DDO: variants seen among roughly 807,000 people sequenced by gnomAD.
The protein encoded by DDO is D-aspartate oxidase, DDO.
A neutral mutation model predicts 16.8 loss-of-function variants in DDO; 16 were observed. The ratio of observed to expected loss-of-function variants is 0.95; its 90% CI spans 0.65 to 1.45. The LOEUF is 1.45. Ranked by LOEUF, DDO falls within the 40% of genes most tolerant of loss-of-function variation. DDO has a pLI of 0.00. For synonymous variants in DDO, 180 were observed against 167.2 expected, an observed-to-expected ratio of 1.08 and a Z score of -0.59; for missense variants, 429 against 420.3, an observed-to-expected ratio of 1.02 and a Z score of -0.18.
At chr6:110,405,526 G>T (rs757193712) in intron 3 of DDO, among the ~76,000 whole-genome samples, 2 of 152,168 alleles carry the variant, frequency 1.3e-5, no homozygotes, top group Non-Finnish European at 2.9e-5. Flanking sequence ...CTCCTGCCTA[G>T]ATTTGGTTGT....
At position 110,404,913 on chromosome 6, in the gene DDO, G is replaced by A. The variant is rs1773599064; in HGVS notation, c.319C>T (p.Pro107Ser). 6 of 1,614,160 alleles carry A rather than the reference G, an allele frequency of 3.7e-6. No homozygotes were observed. The highest frequency in any genetic ancestry group is 5.1e-6 in the Non-Finnish European group (6 of 1,180,020). The change falls in exon 4 of 5, where the codon CCA becomes TCA. Residue 107 changes from proline (P) to serine (S), a missense_variant. Physicochemically the swap from Pro to Ser is moderately conservative, Grantham distance 74 (BLOSUM62 -1). Coordinates refer to ENST00000368924, the MANE Select transcript of DDO (RefSeq NM_001372108.2). ...CCCAGAACCACGTCAGCCCAGAATG[G>A]CACTTCTTCAGTCGGAGTGCTCTGA... The part of the protein sequence containing the change: ...IFQSTPTEEV[P>S]FWADVVLGFR...
Position 110,392,958 on chromosome 6 carries a change from C to G in DDO, c.843G>C (p.Arg281Ser). ...IREKVGLRPYRPGVRLQTELL... is the reference protein window; with the variant it reads ...IREKVGLRPYSPGVRLQTELL... ...GCTCTGTCTGCAGTCGCACGCCTGGCCTGTAGGGCCTCAAGCCCACCTTCT... is the reference window on the plus strand; with the variant it reads ...GCTCTGTCTGCAGTCGCACGCCTGGGCTGTAGGGCCTCAAGCCCACCTTCT... Residue 281 changes from arginine (R) to serine (S), a missense_variant, in exon 5 of 5, where the codon AGG becomes AGC. Coordinates refer to ENST00000368924, the MANE Select transcript of DDO (RefSeq NM_001372108.2). The G allele has an allele frequency of 6.2e-7, 1 of 1,613,924 alleles. No homozygotes were observed. Among genetic ancestry groups the G allele is most frequent in the Non-Finnish European group, 8.5e-7 (1 of 1,179,820 alleles).
At position 110,392,338 on chromosome 6, in the gene DDO, T is replaced by C. The variant is rs958905771; in HGVS notation, c.*437A>G. ...AAGCCAAATGATATCAAAATCTCTA[T>C]AGCTTCCAACATTCATATAAATCTG... On this transcript the variant is annotated 3_prime_UTR_variant, in exon 5 of 5. Coordinates refer to ENST00000368924, the MANE Select transcript of DDO (RefSeq NM_001372108.2). 56 of 986,664 alleles carry C rather than the reference T, an allele frequency of 5.7e-5. No individual in the cohort carries two copies. The highest frequency in any genetic ancestry group is 6.6e-5 in the Non-Finnish European group (55 of 830,914). The allele number at this position is 986,664 out of a possible 1,614,324, so 61.1% of individuals were successfully genotyped here.
chr6:110,406,841 A>G (rs1026699990), intron 3 of DDO, among the ~76,000 whole-genome samples: 1 of 152,068 alleles, frequency 6.6e-6, no homozygotes, highest in Non-Finnish European at 1.5e-5. Flanking sequence ...CACTTCCCAG[A>G]GCAAGTTTCT....
At chr6:110,414,867 T>G (rs1167362620) in intron 1 of DDO, among the ~76,000 whole-genome samples, 2 of 152,244 alleles carry the variant, frequency 1.3e-5, no homozygotes, top group Non-Finnish European at 2.9e-5. Context: ...GAGGTTCACC[T>G]TTCCTCTGGA....
downstream of DDO, among the ~76,000 whole-genome samples, chr6:110,390,619 C>T (rs1389155550): frequency 6.6e-6 from 1 of 152,032 alleles, no homozygotes; most frequent in Non-Finnish European, 1.5e-5. Context: ...GAAGGTGAGC[C>T]CACAACACAC....
intron 4 of DDO, among the ~76,000 whole-genome samples, chr6:110,396,811 C>T (rs1773306237): frequency 6.6e-6 from 1 of 152,030 alleles, no homozygotes; most frequent in Admixed American, 6.6e-5. Context: ...GTAAGAATAA[C>T]CAATTTAGAA....
intron 2 of DDO, among the ~76,000 whole-genome samples, chr6:110,412,860 G>T (rs1773905092): frequency 6.6e-6 from 1 of 152,176 alleles, no homozygotes; most frequent in Admixed American, 6.5e-5. Context: ...TGTTAAAACC[G>T]CACATTATGG....
chr6:110,396,480 A>G (rs1356314543), intron 4 of DDO, among the ~76,000 whole-genome samples: 4 of 152,240 alleles, frequency 2.6e-5, no homozygotes, highest in African/African-American at 9.6e-5. Flanking sequence ...GCCAGCATCA[A>G]TGCTTCAAAC....
chr6:110,400,182 TGGAACTACG>T (rs1445524434), intron 4 of DDO, among the ~76,000 whole-genome samples: 1 of 152,226 alleles, frequency 6.6e-6, no homozygotes, highest in Non-Finnish European at 1.5e-5. Context: ...ACAGAGATGA[TGGAACTACG>T]GGGCCTGTCT....
Position 110,413,435 on chromosome 6 carries a change from C to T in DDO, c.28G>A (p.Gly10Arg), listed in dbSNP as rs62617073. The change falls in exon 2 of 5, where the codon GGG becomes AGG. Residue 10 changes from glycine (G) to arginine (R), a missense_variant. Transcript: ENST00000368924. MDTARIAVV[G>R]AGVVGLSTAV... is the part of the protein sequence containing the mutation. ...GTGGAGAGCCCCACCACACCTGCCCCGACAACTGCAATCCGTGCTGTGTCC... is the reference window on the plus strand; with the variant it reads ...GTGGAGAGCCCCACCACACCTGCCCTGACAACTGCAATCCGTGCTGTGTCC... 5,291 of 1,613,766 alleles carry T rather than the reference C, an allele frequency of 3.3e-3. 13 individuals are homozygous for T. Among genetic ancestry groups the T allele is most frequent in the Non-Finnish European group, 4.0e-3 (4,738 of 1,180,016 alleles).
At chr6:110,393,484 G>T in intron 4 of DDO, 142 bp from the exon 5 acceptor site, 1 of 1,206,560 alleles carries the variant, frequency 8.3e-7, no homozygotes, top group Non-Finnish European at 1.1e-6. Flanking sequence ...GGCCCAGTCA[G>T]GCCAAATTCT....
intron 1 of DDO, 64 bp downstream of exon 1, chr6:110,415,403 A>G: frequency 6.2e-7 from 1 of 1,600,760 alleles, no homozygotes; most frequent in Non-Finnish European, 8.5e-7. Context: ...CTATTCAGAC[A>G]CACTCCCAAA....
chr6:110,404,966 T>C lies in DDO; in HGVS notation c.282-16A>G, dbSNP rs376984169. On this transcript the variant is annotated splice_polypyrimidine_tract_variant and intron_variant, in intron 3 of 4. Coordinates refer to ENST00000368924, the MANE Select transcript of DDO (RefSeq NM_001372108.2). ...TATCTGCCAACTCAAACGTATTAAG[T>C]GAACATTTTTTCCTGAAATTTGTGA... is the stretch of plus-strand genomic sequence containing the variant. The C allele has an allele frequency of 4.4e-6, 7 of 1,608,310 alleles. No individual in the cohort carries two copies. The highest frequency in any genetic ancestry group is 5.9e-6 in the Non-Finnish European group (7 of 1,176,792).
At chr6:110,391,254 T>G (rs1773093240), downstream of DDO, among the ~76,000 whole-genome samples, 1 of 152,180 alleles carries the variant, frequency 6.6e-6, no homozygotes, top group African/African-American at 2.4e-5. Context: ...TTGGCAACCC[T>G]GTATCTCACT....
In DDO at chr6:110,413,486, A is replaced by G. The variant is rs775801683; in HGVS notation, c.-4-20T>C. On this transcript the variant is annotated intron_variant, in intron 1 of 4. Transcript: ENST00000368924. ...ATGAGCCTGTGAGGAGGGAAATGGGAGCTATACCCCTTGTTTTAAGGATTT... is the reference window on the plus strand; with the variant it reads ...ATGAGCCTGTGAGGAGGGAAATGGGGGCTATACCCCTTGTTTTAAGGATTT... 1.9e-6 allele frequency: 3 copies of G among 1,602,842 alleles called. No homozygotes were observed. The East Asian group carries it at 6.7e-5, about 36-fold the overall frequency.
intron 4 of DDO, among the ~76,000 whole-genome samples, chr6:110,398,593 A>C (rs531394652): frequency 1.3e-5 from 2 of 152,198 alleles, no homozygotes; most frequent in Non-Finnish European, 2.9e-5. Context: ...GGCAGCGGGG[A>C]CAGGGGAAAA....
chr6:110,388,712 C>G (rs1008050520), downstream of DDO: 1 of 797,000 alleles, frequency 1.3e-6, no homozygotes. Context: ...AAAGCAGCCT[C>G]GTTCCTCTGG....
chr6:110,396,765 A>T (rs374526546), intron 4 of DDO, among the ~76,000 whole-genome samples: 38 of 152,340 alleles, frequency 2.5e-4, no homozygotes, highest in African/African-American at 8.9e-4. Flanking sequence ...TAAATATAGC[A>T]AATTTTATGG....
Sources: gnomAD v4.1 joint callset for allele counts (sites outside exome capture counted in the v4.1 genomes callset) on GRCh38, gnomAD v4.1.1 for gene constraint, MANE v1.5 for transcripts, NCBI Gene and HGNC (gene_info 2026-07-23, HGNC 2026-07-21) for gene names.